COMMD1: variants seen among roughly 807,000 people sequenced by gnomAD.
COMMD1 encodes the protein copper metabolism domain containing 1.
COMMD1 carries 10 observed loss-of-function variants against 17.2 expected under a neutral mutation model. The observed-to-expected ratio is 0.58, with a 90% CI of 0.36 to 0.99. The LOEUF (loss-of-function observed/expected upper bound fraction) is 0.99, where lower values mean the gene tolerates loss of function less well. COMMD1 is among the 50% of genes least tolerant of loss of function. The pLI is 0.01. For synonymous variants in COMMD1, 97 were observed against 91.6 expected (o/e 1.06, Z -0.34); for missense variants, 270 against 231.8 (o/e 1.17, Z -1.07).
At chr2:62,006,235 T>C (rs1048786661) in intron 2 of COMMD1, among the ~76,000 whole-genome samples, 8 of 147,576 alleles carry the variant, frequency 5.4e-5, no homozygotes, top group Admixed American at 4.7e-4. Context: ...TTAGGAGATA[T>C]ACCTAATGCT....
At chr2:61,911,567 C>G (rs1372796009) in intron 1 of COMMD1, among the ~76,000 whole-genome samples, 1 of 152,310 alleles carries the variant, frequency 6.6e-6, no homozygotes, top group South Asian at 2.1e-4. Flanking sequence ...GAACTGACCA[C>G]GAGTGATCCT....
chr2:62,069,459 AG>A (rs1163212231), intron 2 of COMMD1: 2 of 152,220 alleles, frequency 1.3e-5, no homozygotes, highest in Non-Finnish European at 2.9e-5. Flanking sequence ...TTCATTGATT[AG>A]GGCCAGGCAC....
chr2:62,074,340 A>G (rs544557950), intron 2 of COMMD1, among the ~76,000 whole-genome samples: 2 of 152,304 alleles, frequency 1.3e-5, no homozygotes, highest in East Asian at 3.9e-4. Context: ...CATCCCTGTA[A>G]TCACATGGTT....
intron 1 of COMMD1, among the ~76,000 whole-genome samples, chr2:61,921,819 C>T (rs1670203871): frequency 6.6e-6 from 1 of 152,078 alleles, no homozygotes; most frequent in Admixed American, 6.5e-5. Context: ...TTGCATGATT[C>T]AACAAAAAAC....
rs112202744 is a variant in COMMD1 at position 62,042,492 on chromosome 2, G to C, written c.462+41510G>C. Among the ~76,000 whole-genome samples the C allele has an allele frequency of 2.6e-3, 403 of 152,320 alleles. 2 individuals are homozygous for C. Among genetic ancestry groups the C allele is most frequent in the African/African-American group, 9.3e-3 (385 of 41,584 alleles). ...GCAACCCAGAAGGAGCTTGTGCCCCGATCAAGCCCAGCAGGTGCTGGCGGG... is the reference window on the plus strand; with the variant it reads ...GCAACCCAGAAGGAGCTTGTGCCCCCATCAAGCCCAGCAGGTGCTGGCGGG... On this transcript the variant is annotated intron_variant, in intron 2 of 2. Coordinates refer to ENST00000311832, the MANE Select transcript of COMMD1 (RefSeq NM_152516.4).
chr2:62,023,918 A>G (rs1180419065), intron 2 of COMMD1, among the ~76,000 whole-genome samples: 2 of 152,234 alleles, frequency 1.3e-5, no homozygotes, highest in Admixed American at 6.5e-5. Flanking sequence ...AGTCATTTAA[A>G]AAAAATCAGT....
Position 61,893,847 on chromosome 2 carries a change from G to A in COMMD1, n.119+5005G>A, listed in dbSNP as rs969628139. On this transcript the variant is annotated intron_variant and non_coding_transcript_variant, in intron 1 of 2. Coordinates refer to the COMMD1 transcript ENST00000472729. ...AAAAATTGAGAAAAATTGCAAATTT[G>A]TGGGCAAAAGACATGAGTGTTGTTT... 7.3e-5 allele frequency among the ~76,000 whole-genome samples: 11 copies of A among 151,656 alleles called. 1 individual carries two copies. The highest frequency in any genetic ancestry group is 6.2e-4 in the South Asian group (3 of 4,804).
At chr2:62,051,228 C>A (rs905874185) in intron 2 of COMMD1, among the ~76,000 whole-genome samples, 1 of 152,052 alleles carries the variant, frequency 6.6e-6, no homozygotes, top group Non-Finnish European at 1.5e-5. Context: ...TCTAGACTGA[C>A]AAGAAATTAA....
intron 1 of COMMD1, among the ~76,000 whole-genome samples, chr2:61,928,224 A>G (rs1244063463): frequency 1.3e-5 from 2 of 152,078 alleles, no homozygotes; most frequent in Non-Finnish European, 1.5e-5. Flanking sequence ...GTGCAGTGGT[A>G]CAATCTCGGC....
intron 1 of COMMD1, among the ~76,000 whole-genome samples, chr2:61,908,435 CG>C (rs1669825903): frequency 6.6e-6 from 1 of 151,968 alleles, no homozygotes; most frequent in Admixed American, 6.6e-5. Context: ...CCATGTTGGC[CG>C]GGATGGTTTT....
chr2:62,088,584 C>G (rs1671738988), intron 2 of COMMD1, among the ~76,000 whole-genome samples: 1 of 152,154 alleles, frequency 6.6e-6, no homozygotes, highest in African/African-American at 2.4e-5. Context: ...ATTTTGTGTA[C>G]CTACCCATTT....
Position 62,038,855 on chromosome 2 carries a change from C to T in COMMD1, c.462+37873C>T, listed in dbSNP as rs1670109557. Among the ~76,000 whole-genome samples the T allele has an allele frequency of 3.3e-5, 5 of 152,018 alleles. No individual in the cohort carries two copies. In the South Asian group the frequency reaches 1.0e-3, roughly 32 times the overall value. ...TGAGGCATCACTCCTAGCCTGTTTC[C>T]TTATTTTTTTAATGTTAGATTTGTT... On this transcript the variant is annotated intron_variant, in intron 2 of 2. Transcript: ENST00000311832.
chr2:62,054,381 A>G (rs958759654), intron 2 of COMMD1, among the ~76,000 whole-genome samples: 1 of 152,236 alleles, frequency 6.6e-6, no homozygotes, highest in Non-Finnish European at 1.5e-5. Flanking sequence ...CATATAAAAA[A>G]AGTACCTCTA....
chr2:62,008,377 C>T (rs963341402), intron 2 of COMMD1, among the ~76,000 whole-genome samples: 2 of 149,240 alleles, frequency 1.3e-5, no homozygotes, highest in African/African-American at 4.9e-5. Flanking sequence ...CACACACACA[C>T]ACACACACAC....
Position 62,067,443 on chromosome 2 carries a change from A to G in COMMD1, c.462+66461A>G, listed in dbSNP as rs557201228. Among the ~76,000 whole-genome samples the G allele has an allele frequency of 3.7e-4, 56 of 152,130 alleles. 1 individual carries two copies. Among genetic ancestry groups the G allele is most frequent in the Admixed American group, 3.3e-3 (51 of 15,264 alleles). ...TTAGACATTATTTTCCCCAAGCCCC[A>G]TAGAGTTGTATGACTTCAAGTTAAA... On this transcript the variant is annotated intron_variant, in intron 2 of 2. Transcript: ENST00000311832.
chr2:61,982,397 G>T (rs968939726), intron 1 of COMMD1, among the ~76,000 whole-genome samples: 1 of 152,036 alleles, frequency 6.6e-6, no homozygotes, highest in Non-Finnish European at 1.5e-5. Context: ...GGTAGAGTAG[G>T]TTTTTCCAAA....
chr2:61,937,358 A>T (rs1308932597), intron 1 of COMMD1, among the ~76,000 whole-genome samples: 2 of 152,254 alleles, frequency 1.3e-5, no homozygotes, highest in Middle Eastern at 3.4e-3. Context: ...TTTGTCCAAG[A>T]TTTGCCAGAG....
chr2:62,044,422 T>G (rs1215919247), intron 2 of COMMD1, among the ~76,000 whole-genome samples: 2 of 152,230 alleles, frequency 1.3e-5, no homozygotes, highest in African/African-American at 4.8e-5. Flanking sequence ...GTGTATTCTG[T>G]GTTCTGCCTT....
intron 2 of COMMD1, among the ~76,000 whole-genome samples, chr2:62,042,449 C>T (rs1276502159): frequency 6.6e-6 from 1 of 152,230 alleles, no homozygotes; most frequent in Non-Finnish European, 1.5e-5. Flanking sequence ...CTTTGTGGCA[C>T]CTAGCCTGGG....
Sources: allele counts gnomAD v4.1 joint callset (sites outside exome capture counted in the v4.1 genomes callset), GRCh38; gene constraint gnomAD v4.1.1; transcripts MANE v1.5; gene names NCBI Gene and HGNC (gene_info 2026-07-23, HGNC 2026-07-21).